Variants in NUP107 observed in about 807,000 individuals in gnomAD.
The protein encoded by NUP107 is nuclear pore complex protein Nup107.
A neutral mutation model predicts 141.0 loss-of-function variants in NUP107; 101 were observed. The ratio of observed to expected loss-of-function variants is 0.72; its 90% confidence interval spans 0.61 to 0.84. The LOEUF (loss-of-function observed/expected upper bound fraction) is 0.84, where lower values mean the gene tolerates loss of function less well. NUP107 is among the 40% of genes least tolerant of loss of function. The probability of loss-of-function intolerance (pLI) is 0.00; values close to 1 mark genes in which losing one functional copy is unlikely to be tolerated. For missense variants in NUP107, 941 were observed against 1,102.7 expected (o/e 0.85, Z 2.08); for synonymous variants, 319 against 363.9 (o/e 0.88, Z 1.41).
At chr12:68,725,406 G>A (rs541485244) in intron 17 of NUP107, among the ~76,000 whole-genome samples, 14 of 151,960 alleles carry the variant, frequency 9.2e-5, no homozygotes, top group African/African-American at 2.4e-4. Flanking sequence ...TTCCTTTCTC[G>A]TCCACCATGT....
At chr12:68,688,477 A>ACAAGCTCTGTTTGTTGTTGTTGTTG (rs1191835467) in intron 1 of NUP107, among the ~76,000 whole-genome samples, 1 of 152,084 alleles carries the variant, frequency 6.6e-6, no homozygotes. Context: ...CTTCTATCTC[A>ACAAGCTCTGTTTGTTGTTGTTGTTG]CAAGCTCTGT....
chr12:68,694,214 C>G (rs1412498405), intron 5 of NUP107, among the ~76,000 whole-genome samples: 1 of 152,186 alleles, frequency 6.6e-6, no homozygotes, highest in East Asian at 1.9e-4. Context: ...TCTACTTAGG[C>G]CAAGTGCCTG....
At chr12:68,701,055 T>C (rs1876305905) in intron 7 of NUP107, among the ~76,000 whole-genome samples, 1 of 152,132 alleles carries the variant, frequency 6.6e-6, no homozygotes, top group Non-Finnish European at 1.5e-5. Context: ...GTTACCAAAA[T>C]TGGATGTGTG....
At position 68,741,897 on chromosome 12, in the gene NUP107, A is replaced by G; in HGVS notation, c.2587A>G (p.Thr863Ala). ...GCCAATGTTGTGTTTTCTGCTTCAT[A>G]CGATATTGCACAGTACTGGTCAGTA... Reference protein sequence around the residue: ...CLPMLCFLLHTILHSTGQYQE... With the variant: ...CLPMLCFLLHAILHSTGQYQE... Residue 863 changes from threonine to alanine, a missense_variant, in exon 27 of 28, where the codon ACG (threonine) becomes GCG (alanine). Transcript: ENST00000229179. 1 of 1,614,000 alleles carries G rather than the reference A, an allele frequency of 6.2e-7. No homozygotes were observed.
In NUP107 at chr12:68,689,578, A is replaced by G. The variant is rs1465539935; in HGVS notation, c.146A>G (p.Asn49Ser). ...AATTTTGGTAATACTACACCAAGAA[A>G]CCAGGTTATCCCTCGAACTCCTAGC... ...DENFGNTTPR[N>S]QVIPRTPSSF... is the part of the protein sequence containing the mutation. The change falls in exon 3 of 28, where the codon AAC becomes AGC. Residue 49 changes from asparagine (N) to serine (S), a missense_variant. Asn to Ser is a conservative substitution (Grantham distance 46). Coordinates refer to ENST00000229179, the MANE Select transcript of NUP107 (RefSeq NM_020401.4). The G allele has an allele frequency of 6.2e-7, 1 of 1,613,100 alleles. No homozygotes were observed. The highest frequency in any genetic ancestry group is 2.2e-5 in the East Asian group (1 of 44,778).
At chr12:68,690,166 CAAAA>C (rs113877879) in intron 3 of NUP107, among the ~76,000 whole-genome samples, 1 of 119,494 alleles carries the variant, frequency 8.4e-6, no homozygotes. Flanking sequence ...GGCGACAGAG[CAAAA>C]AAAAAAAAAA....
At position 68,696,974 on chromosome 12, in the gene NUP107, A is replaced by G. The variant is rs2701088; in HGVS notation, c.552+52A>G. ...TCAAACTTCAGTATTTTTAGTTTTC[A>G]TAAACAGCATTAACCTAATTTTCAT... On this transcript the variant is annotated intron_variant, in intron 6 of 27. Transcript: ENST00000229179. 302,571 of 1,130,798 alleles carry G rather than the reference A, an allele frequency of 0.27. 41,512 individuals are homozygous for G. The highest frequency in any genetic ancestry group is 0.3 in the Middle Eastern group (1,511 of 4,988). The allele number at this position is 1,130,798 out of a possible 1,614,324, so 70.0% of individuals were successfully genotyped here.
chr12:68,725,718 T>C lies in NUP107; in HGVS notation c.1507-9T>C. 4.8e-6 allele frequency: 7 copies of C among 1,456,722 alleles called. No homozygotes were observed. The highest frequency in any genetic ancestry group is 6.6e-6 in the Non-Finnish European group (7 of 1,061,882). 90.2% of individuals were successfully genotyped at this position (1,456,722 alleles called of 1,614,324 possible). A position where few individuals can be genotyped will look rare whatever the true frequency, so the allele number is the denominator to read the frequency against. On this transcript the variant is annotated splice_polypyrimidine_tract_variant and intron_variant, in intron 17 of 27. Coordinates refer to ENST00000229179, the MANE Select transcript of NUP107 (RefSeq NM_020401.4). ...AAGATTTATGGAAAATTAAAAACTT[T>C]TTTTTCAGAGAGTTCTGGAAGAGAA...
chr12:68,732,213 C>G (rs1877860096), intron 22 of NUP107, among the ~76,000 whole-genome samples: 1 of 152,238 alleles, frequency 6.6e-6, no homozygotes, highest in Non-Finnish European at 1.5e-5. Flanking sequence ...TCTCTGCTTA[C>G]TGCAACCTTC....
intron 20 of NUP107, among the ~76,000 whole-genome samples, chr12:68,727,789 C>T (rs1272916698): frequency 6.6e-6 from 1 of 152,090 alleles, no homozygotes; most frequent in Non-Finnish European, 1.5e-5. Flanking sequence ...CCACAGTTGG[C>T]CCTGCAGAAC....
At chr12:68,724,009 A>T (rs1012778052) in intron 17 of NUP107, among the ~76,000 whole-genome samples, 1 of 152,220 alleles carries the variant, frequency 6.6e-6, no homozygotes, top group South Asian at 2.1e-4. Flanking sequence ...ATTAAGGAAC[A>T]GATATAAATA....
intron 11 of NUP107, chr12:68,714,059 G>C: frequency 2.5e-6 from 1 of 399,590 alleles, no homozygotes; most frequent in Non-Finnish European, 4.4e-6. Flanking sequence ...AATTAATTTT[G>C]GTCTTATCTT....
intron 7 of NUP107, among the ~76,000 whole-genome samples, chr12:68,701,267 T>C (rs1275225285): frequency 6.6e-6 from 1 of 152,180 alleles, no homozygotes; most frequent in African/African-American, 2.4e-5. Flanking sequence ...ATGAGAAATA[T>C]ATACAACCAC....
intron 10 of NUP107, among the ~76,000 whole-genome samples, chr12:68,711,242 T>C (rs1452680754): frequency 6.6e-6 from 1 of 151,992 alleles, no homozygotes; most frequent in Non-Finnish European, 1.5e-5. Context: ...TCCCAGCTAC[T>C]TGGGAGGCTG....
At chr12:68,707,654 T>C (rs1565691790) in intron 8 of NUP107, among the ~76,000 whole-genome samples, 1 of 152,192 alleles carries the variant, frequency 6.6e-6, no homozygotes, top group Non-Finnish European at 1.5e-5. Flanking sequence ...TAATCTTTAT[T>C]CCCTAAGTGA....
intron 9 of NUP107, among the ~76,000 whole-genome samples, chr12:68,709,590 A>G (rs531673835): frequency 4.7e-4 from 71 of 152,256 alleles, no homozygotes; most frequent in African/African-American, 1.7e-3. Flanking sequence ...AGTGTTTGGA[A>G]AAATTGTTAC....
intron 8 of NUP107, chr12:68,705,978 G>A (rs1282887322): frequency 2.2e-6 from 2 of 899,958 alleles, no homozygotes; most frequent in Non-Finnish European, 3.7e-6. Context: ...TGCAGCAGCA[G>A]AACAAGATGC....
intron 6 of NUP107, among the ~76,000 whole-genome samples, chr12:68,697,549 A>G (rs1876125969): frequency 6.6e-6 from 1 of 152,196 alleles, no homozygotes; most frequent in African/African-American, 2.4e-5. Flanking sequence ...ATGGATTGAC[A>G]GATACAGCAA....
intron 26 of NUP107, chr12:68,739,809 C>T (rs1453959058): frequency 6.6e-6 from 1 of 151,504 alleles, no homozygotes; most frequent in Non-Finnish European, 1.5e-5. Flanking sequence ...TGCACTCCAG[C>T]CTGGGCGACA....
Sources: gnomAD v4.1 joint callset for allele counts (sites outside exome capture counted in the v4.1 genomes callset) on GRCh38, gnomAD v4.1.1 for gene constraint, MANE v1.5 for transcripts, NCBI Gene and HGNC (gene_info 2026-07-23, HGNC 2026-07-21) for gene names.